The following TASP1 variants were observed in gnomAD, a reference collection of about 807,000 sequenced individuals.
The protein encoded by TASP1 is threonine aspartase 1.
A neutral mutation model predicts 56.6 loss-of-function variants in TASP1; 16 were observed. That is an observed-to-expected ratio of 0.28 (90% CI 0.19 to 0.43). The LOEUF (loss-of-function observed/expected upper bound fraction) is 0.43, where lower values mean the gene tolerates loss of function less well. TASP1 is among the 20% of genes least tolerant of loss of function. The pLI, the probability that TASP1 is intolerant of heterozygous loss-of-function variation, is 1.00. For synonymous variants in TASP1, 179 were observed against 184.2 expected (o/e 0.97, Z 0.23); for missense variants, 393 against 511.6 (o/e 0.77, Z 2.24).
At chr20:13,449,072 G>C (rs977829308) in intron 11 of TASP1, among the ~76,000 whole-genome samples, 1 of 152,038 alleles carries the variant, frequency 6.6e-6, no homozygotes. Flanking sequence ...TAGAGTGTTT[G>C]CTCATTAAAT....
the TASP1 span, among the ~76,000 whole-genome samples, chr20:13,250,757 T>C: frequency 2.0e-5 from 3 of 152,188 alleles, no homozygotes; most frequent in Non-Finnish European, 4.4e-5. Flanking sequence ...CTCTCAGTAA[T>C]TACATATTGA....
the TASP1 span, among the ~76,000 whole-genome samples, chr20:13,306,458 T>C: frequency 6.6e-6 from 1 of 150,714 alleles, no homozygotes; most frequent in Admixed American, 6.6e-5. Context: ...TGTCTAGTTA[T>C]ACCCTTCTTT....
At chr20:13,532,847 T>C (rs1477578574) in intron 9 of TASP1, among the ~76,000 whole-genome samples, 1 of 152,206 alleles carries the variant, frequency 6.6e-6, no homozygotes, top group Non-Finnish European at 1.5e-5. Context: ...CAAGCTTGAC[T>C]TTCCTATTGC....
At chr20:13,122,926 CT>C in the TASP1 span, among the ~76,000 whole-genome samples, 1 of 152,178 alleles carries the variant, frequency 6.6e-6, no homozygotes, top group Admixed American at 6.5e-5. Context: ...GAATGTAACC[CT>C]GTGCAAAATG....
chr20:13,466,024 CTG>C (rs1568837613), intron 11 of TASP1, among the ~76,000 whole-genome samples: 1 of 152,052 alleles, frequency 6.6e-6, no homozygotes, highest in Non-Finnish European at 1.5e-5. Context: ...GCTGGGGAAA[CTG>C]AGTAACATTG....
chr20:13,240,309 T>A, the TASP1 span, among the ~76,000 whole-genome samples: 1 of 152,158 alleles, frequency 6.6e-6, no homozygotes, highest in African/African-American at 2.4e-5. Context: ...TAGCAGGACA[T>A]AAACAGGGAG....
chr20:13,599,336 T>C (rs556943987), intron 4 of TASP1, among the ~76,000 whole-genome samples: 29 of 152,222 alleles, frequency 1.9e-4, no homozygotes, highest in Non-Finnish European at 4.0e-4. Flanking sequence ...ACCATGGAAT[T>C]CTATGCAGCC....
chr20:13,236,815 A>G, the TASP1 span, among the ~76,000 whole-genome samples: 1 of 152,236 alleles, frequency 6.6e-6, no homozygotes, highest in Non-Finnish European at 1.5e-5. Context: ...CAGGTCTCAC[A>G]TCAAGGTGAC....
At chr20:13,220,511 C>A in the TASP1 span, among the ~76,000 whole-genome samples, 1 of 152,212 alleles carries the variant, frequency 6.6e-6, no homozygotes, top group Non-Finnish European at 1.5e-5. Context: ...ATGAGCCCCC[C>A]ACAGAGGCAA....
At chr20:13,475,352 T>A (rs373697791) in intron 11 of TASP1, among the ~76,000 whole-genome samples, 1 of 152,174 alleles carries the variant, frequency 6.6e-6, no homozygotes, top group Non-Finnish European at 1.5e-5. Context: ...TGCCATATGG[T>A]ATTCTGTTGG....
the TASP1 span, among the ~76,000 whole-genome samples, chr20:13,118,657 G>T: frequency 6.6e-6 from 1 of 152,136 alleles, no homozygotes; most frequent in Non-Finnish European, 1.5e-5. Context: ...TGACAGTGAT[G>T]TTGGCTCAGC....
chr20:13,386,598 C>CCAT (rs1416882007), downstream of TASP1, among the ~76,000 whole-genome samples: 13 of 152,268 alleles, frequency 8.5e-5, no homozygotes, highest in Non-Finnish European at 8.8e-5. Flanking sequence ...TTCCCTCCTT[C>CCAT]CATCCAGTGT....
At chr20:13,293,092 C>T in the TASP1 span, among the ~76,000 whole-genome samples, 4 of 151,078 alleles carry the variant, frequency 2.6e-5, no homozygotes, top group Non-Finnish European at 4.4e-5. Flanking sequence ...CCCAGCTACT[C>T]GGGAGGCTGA....
chr20:13,530,560 C>T (rs2045182351), intron 9 of TASP1, among the ~76,000 whole-genome samples: 1 of 152,158 alleles, frequency 6.6e-6, no homozygotes, highest in Non-Finnish European at 1.5e-5. Context: ...TCATCTTTTA[C>T]GTCCCCCACA....
intron 10 of TASP1, among the ~76,000 whole-genome samples, chr20:13,523,888 T>G (rs1171794807): frequency 6.6e-6 from 1 of 152,146 alleles, no homozygotes; most frequent in African/African-American, 2.4e-5. Flanking sequence ...ACCCCTGTAC[T>G]CACTGTTTCC....
the TASP1 span, among the ~76,000 whole-genome samples, chr20:13,223,162 A>AAAAT: frequency 6.8e-6 from 1 of 145,988 alleles, no homozygotes; most frequent in African/African-American, 2.6e-5. Context: ...GTCTCAAAAA[A>AAAAT]AAAATAAAAT....
intron 10 of TASP1, among the ~76,000 whole-genome samples, chr20:13,505,644 AAC>A (rs1233868396): frequency 1.3e-5 from 2 of 152,218 alleles, no homozygotes; most frequent in Non-Finnish European, 2.9e-5. Context: ...GAAATTAAAT[AAC>A]ACACTCTGAA....
chr20:13,471,183 T>A (rs922928235), intron 11 of TASP1, among the ~76,000 whole-genome samples: 1 of 151,990 alleles, frequency 6.6e-6, no homozygotes, highest in Non-Finnish European at 1.5e-5. Flanking sequence ...GAGTAAAATT[T>A]TAGGTAGGGT....
the TASP1 span, among the ~76,000 whole-genome samples, chr20:13,251,571 G>T: frequency 1.3e-5 from 2 of 152,270 alleles, no homozygotes; most frequent in Admixed American, 6.5e-5. Flanking sequence ...GAGGTGCAGG[G>T]AGCAAGGGGA....
Sources: gnomAD v4.1 joint callset for allele counts (sites outside exome capture counted in the v4.1 genomes callset) on GRCh38, gnomAD v4.1.1 for gene constraint, MANE v1.5 for transcripts, NCBI Gene and HGNC (gene_info 2026-07-23, HGNC 2026-07-21) for gene names.